The following DGKB variants were observed in gnomAD, a reference collection of about 807,000 sequenced individuals.
The protein encoded by DGKB is diacylglycerol kinase beta.
Under a neutral mutation model 114.3 loss-of-function variants are expected in DGKB, and 67 were observed. The ratio of observed to expected loss-of-function variants is 0.59; its 90% CI spans 0.48 to 0.72. The LOEUF is 0.72. Ranked by LOEUF, DGKB falls within the 30% of genes least tolerant of loss-of-function variation. The pLI is 0.00. For missense variants in DGKB, 907 were observed against 975.2 expected (o/e 0.93, Z 0.93); for synonymous variants, 398 against 323.1 (o/e 1.23, Z -2.49).
chr7:14,386,379 G>A (rs549354726), intron 21 of DGKB, among the ~76,000 whole-genome samples: 244 of 152,268 alleles, frequency 1.6e-3, no homozygotes, highest in Non-Finnish European at 2.7e-3. Flanking sequence ...ATAAAAATGA[G>A]TTGTCTCACA....
chr7:14,689,196 C>CTTTTTTTTTTTT (rs1554599070), intron 9 of DGKB, among the ~76,000 whole-genome samples: 131 of 80,176 alleles, frequency 1.6e-3, no homozygotes, highest in East Asian at 4.7e-3. Flanking sequence ...AGAAACTCCT[C>CTTTTTTTTTTTT]TTATTTTTTT....
chr7:14,258,179 A>G (rs569393596), intron 23 of DGKB, among the ~76,000 whole-genome samples: 72 of 152,240 alleles, frequency 4.7e-4, no homozygotes, highest in Admixed American at 1.4e-3. Flanking sequence ...TTTATTCAAC[A>G]TTCACATTTT....
intron 4 of DGKB, among the ~76,000 whole-genome samples, chr7:14,739,944 C>T (rs1366158014): frequency 1.3e-5 from 2 of 152,366 alleles, no homozygotes; most frequent in Admixed American, 6.5e-5. Flanking sequence ...CCCACGTTCC[C>T]GCCGTGCTGG....
At chr7:14,882,673 G>A (rs1321217553) in intron 1 of DGKB, among the ~76,000 whole-genome samples, 5 of 151,802 alleles carry the variant, frequency 3.3e-5, no homozygotes, top group Non-Finnish European at 7.4e-5. Flanking sequence ...ACCCACTTAT[G>A]AGTAAGAGTA....
chr7:14,206,517 G>A (rs145257794), intron 23 of DGKB, among the ~76,000 whole-genome samples: 1 of 152,088 alleles, frequency 6.6e-6, no homozygotes, highest in African/African-American at 2.4e-5. Context: ...GGCATATTAG[G>A]CTTAATAAGG....
At chr7:14,672,908 G>C in intron 13 of DGKB, 21 bp downstream of exon 13, 1 of 1,403,846 alleles carries the variant, frequency 7.1e-7, no homozygotes, top group Non-Finnish European at 9.9e-7. Context: ...AGTTATAGTA[G>C]AATGATAAGG....
At chr7:14,423,168 T>A (rs558850953) in intron 21 of DGKB, among the ~76,000 whole-genome samples, 1 of 152,038 alleles carries the variant, frequency 6.6e-6, no homozygotes. Flanking sequence ...TGGAAAACTA[T>A]ACGGTAAGAT....
intron 5 of DGKB, among the ~76,000 whole-genome samples, chr7:14,720,471 ATTTGTGTGTGTGTG>A (rs1382506674): frequency 9.6e-6 from 1 of 104,208 alleles, no homozygotes; most frequent in Non-Finnish European, 1.9e-5. Context: ...CGCCCGGCTG[ATTTGTGTGTGTGTG>A]TGTGTGTGTG....
At chr7:14,508,821 T>TCTAGTG (rs59373186) in intron 20 of DGKB, among the ~76,000 whole-genome samples, 2,345 of 152,284 alleles carry the variant, frequency 0.015, 53 homozygotes, top group African/African-American at 0.053. Flanking sequence ...AGATCTAGTG[T>TCTAGTG]TTTTGTTACT....
At chr7:14,702,511 G>A (rs1825375324) in intron 6 of DGKB, among the ~76,000 whole-genome samples, 1 of 152,172 alleles carries the variant, frequency 6.6e-6, no homozygotes, top group South Asian at 2.1e-4. Context: ...GTTCAGGAAA[G>A]CAGATGACAG....
chr7:14,441,008 T>C (rs575326227), intron 21 of DGKB, among the ~76,000 whole-genome samples: 3 of 152,276 alleles, frequency 2.0e-5, no homozygotes, highest in South Asian at 2.1e-4. Flanking sequence ...CATTCATTTT[T>C]CTTCTTTTAG....
intron 23 of DGKB, among the ~76,000 whole-genome samples, chr7:14,272,011 C>A (rs1798334747): frequency 1.3e-5 from 2 of 152,268 alleles, no homozygotes; most frequent in South Asian, 4.1e-4. Flanking sequence ...ATTTGCATAT[C>A]TTCTATTGTC....
chr7:14,953,354 A>G (rs181055646), intron 1 of DGKB, among the ~76,000 whole-genome samples: 1 of 152,094 alleles, frequency 6.6e-6, no homozygotes, highest in Non-Finnish European at 1.5e-5. Context: ...CTTACAACTC[A>G]ATAATAAAAG....
At chr7:14,928,173 A>C (rs771280444) in intron 1 of DGKB, among the ~76,000 whole-genome samples, 1 of 152,012 alleles carries the variant, frequency 6.6e-6, no homozygotes, top group Non-Finnish European at 1.5e-5. Context: ...ACAGATATTT[A>C]ATGAGCAGAT....
intron 23 of DGKB, among the ~76,000 whole-genome samples, chr7:14,187,566 T>A (rs1309056511): frequency 6.6e-6 from 1 of 152,168 alleles, no homozygotes; most frequent in Non-Finnish European, 1.5e-5. Flanking sequence ...CACAAACGCC[T>A]GCAGCCTAGA....
intron 21 of DGKB, among the ~76,000 whole-genome samples, chr7:14,417,028 A>G (rs1204938222): frequency 6.6e-6 from 1 of 152,092 alleles, no homozygotes; most frequent in African/African-American, 2.4e-5. Flanking sequence ...CATGTTCTTG[A>G]TTATAAAGAT....
At chr7:14,620,010 T>C (rs1288875856) in intron 15 of DGKB, among the ~76,000 whole-genome samples, 1 of 151,618 alleles carries the variant, frequency 6.6e-6, no homozygotes. Context: ...TTTAAACTTA[T>C]CAATATTAGG....
chr7:14,644,548 T>G (rs1812523679), intron 13 of DGKB, among the ~76,000 whole-genome samples: 1 of 152,118 alleles, frequency 6.6e-6, no homozygotes, highest in African/African-American at 2.4e-5. Flanking sequence ...AACTGAAGAA[T>G]TCAATGAAAA....
chr7:14,519,743 T>A (rs1217078009), intron 20 of DGKB, among the ~76,000 whole-genome samples: 2 of 151,976 alleles, frequency 1.3e-5, no homozygotes, highest in African/African-American at 4.8e-5. Context: ...ATTACAGCCT[T>A]CTCAGTGGGC....
Sources: gnomAD v4.1 joint callset for allele counts (sites outside exome capture counted in the v4.1 genomes callset) on GRCh38, gnomAD v4.1.1 for gene constraint, MANE v1.5 for transcripts, NCBI Gene and HGNC (gene_info 2026-07-23, HGNC 2026-07-21) for gene names.